POLQ: variants seen among roughly 807,000 people sequenced by gnomAD.
POLQ encodes the protein epididymis secretory sperm binding protein.
A neutral mutation model predicts 259.2 loss-of-function variants in POLQ; 233 were observed. That is an observed-to-expected ratio of 0.90 (90% CI 0.81 to 1.00). The LOEUF is 1.00. Ranked by LOEUF, POLQ falls within the 50% of genes least tolerant of loss-of-function variation. POLQ has a pLI of 0.00. For synonymous variants in POLQ, 1,025 were observed against 1,048.8 expected (o/e 0.98, Z 0.44); for missense variants, 2,871 against 3,051.6 (o/e 0.94, Z 1.39).
intron 7 of POLQ, among the ~76,000 whole-genome samples, chr3:121,526,547 C>A (rs1317830242): frequency 2.6e-5 from 4 of 152,060 alleles, no homozygotes; most frequent in Non-Finnish European, 5.9e-5. Flanking sequence ...CATTAAAAAT[C>A]TGTTCAGGCA....
intron 26 of POLQ, among the ~76,000 whole-genome samples, chr3:121,447,775 A>T (rs946890588): frequency 6.6e-6 from 1 of 152,160 alleles, no homozygotes; most frequent in Admixed American, 6.5e-5. Flanking sequence ...TGTCTGAGAA[A>T]GTCTTTATTT....
At chr3:121,501,402 G>C (rs944514562) in intron 12 of POLQ, among the ~76,000 whole-genome samples, 1 of 151,390 alleles carries the variant, frequency 6.6e-6, no homozygotes, top group Non-Finnish European at 1.5e-5. Flanking sequence ...GCTCACGCCT[G>C]TAATCCCAGC....
intron 7 of POLQ, 84 bp downstream of exon 7, chr3:121,529,561 C>G (rs1292370219): frequency 3.3e-5 from 43 of 1,290,850 alleles, no homozygotes; most frequent in Non-Finnish European, 4.5e-5. Flanking sequence ...GAACAAAAGC[C>G]ATGTTTTTGC....
chr3:121,540,862 ATTTTC>A (rs1406034926), intron 3 of POLQ, among the ~76,000 whole-genome samples: 1 of 150,876 alleles, frequency 6.6e-6, no homozygotes, highest in African/African-American at 2.4e-5. Context: ...TGCAATAATA[ATTTTC>A]TTTTAATTTC....
chr3:121,468,636 G>A (rs1396694406), intron 22 of POLQ, among the ~76,000 whole-genome samples: 1 of 152,160 alleles, frequency 6.6e-6, no homozygotes, highest in Non-Finnish European at 1.5e-5. Context: ...ATGAATGTAT[G>A]AATTGGCTAC....
chr3:121,448,878 A>T (rs769599735), intron 26 of POLQ, among the ~76,000 whole-genome samples: 40 of 152,212 alleles, frequency 2.6e-4, no homozygotes, highest in Non-Finnish European at 5.9e-5. Flanking sequence ...AAATTATACC[A>T]CAACAAACAG....
At chr3:121,537,315 A>G (rs2048458109) in intron 4 of POLQ, 107 bp from the exon 5 acceptor site, 2 of 673,312 alleles carry the variant, frequency 3.0e-6, no homozygotes, top group Non-Finnish European at 5.3e-6. Flanking sequence ...ATCAACTTTT[A>G]TTTTAGATTT....
At chr3:121,520,524 A>C (rs146439622) in intron 8 of POLQ, among the ~76,000 whole-genome samples, 1 of 152,308 alleles carries the variant, frequency 6.6e-6, no homozygotes, top group Non-Finnish European at 1.5e-5. Context: ...CAACAGAGCG[A>C]GAAAACAACA....
rs1041465506 is a variant in POLQ at position 121,456,598 on chromosome 3, C to A, written c.7152+3452G>T. ...TTCTTATACACCAATAACAGACAAA[C>A]AGAGAGCCAAATCATGAGTGAACTC... On this transcript the variant is annotated intron_variant, in intron 25 of 29. Transcript: ENST00000264233. Among the ~76,000 whole-genome samples, 17 of 151,816 alleles carry A rather than the reference C, an allele frequency of 1.1e-4. 1 individual carries two copies. Among genetic ancestry groups the A allele is most frequent in the Admixed American group, 1.1e-3 (17 of 15,224 alleles).
intron 12 of POLQ, among the ~76,000 whole-genome samples, chr3:121,501,408 C>T (rs2048166521): frequency 6.6e-6 from 1 of 151,568 alleles, no homozygotes; most frequent in South Asian, 2.1e-4. Flanking sequence ...GCCTGTAATC[C>T]CAGCACTTTG....
rs565640615 is a variant in POLQ, at chr3:121,440,615, T to C, written c.7265-499A>G. ...CCTCCCAAAGTGCTAGGATTACAGG[T>C]GTGAGCTACTACATGGCCTTTGTTT... On this transcript the variant is annotated intron_variant, in intron 26 of 29. Coordinates refer to ENST00000264233, the MANE Select transcript of POLQ (RefSeq NM_199420.4). Among the ~76,000 whole-genome samples, 39 of 152,294 alleles carry C rather than the reference T, an allele frequency of 2.6e-4. No homozygotes were observed. The South Asian group carries it at 4.2e-3, about 16-fold the overall frequency.
chr3:121,436,933 A>C (rs894248797), intron 27 of POLQ, among the ~76,000 whole-genome samples: 10 of 152,070 alleles, frequency 6.6e-5, no homozygotes, highest in African/African-American at 2.2e-4. Context: ...AGAGTAGAGA[A>C]GGGAGTCTGG....
chr3:121,472,020 A>G lies in POLQ; in HGVS notation c.6688T>C (p.Tyr2230His), dbSNP rs2108789971. 6.4e-7 allele frequency: 1 copy of G among 1,573,562 alleles called. No homozygotes were observed. The highest frequency in any genetic ancestry group is 2.3e-5 in the East Asian group (1 of 44,328). Residue 2230 changes from tyrosine (Y) to histidine (H), a missense_variant, in exon 22 of 30, where the codon TAT becomes CAT. Tyr to His is a moderately conservative substitution (Grantham distance 83). This residue lies in a region of POLQ where 2,080 missense variants were observed against 2,126.0 expected (regional missense o/e 0.98). Transcript: ENST00000264233. ...GCAGTGTGCGACTGTGATACAGGATAGATTCTTTCCATTCCAAGAAAAGGA... is the reference window on the plus strand; with the variant it reads ...GCAGTGTGCGACTGTGATACAGGATGGATTCTTTCCATTCCAAGAAAAGGA... ...LNPFLGMERI[Y>H]PVSQSHTATG...
chr3:121,475,355 G>C (rs944733463), intron 20 of POLQ, among the ~76,000 whole-genome samples: 2 of 152,044 alleles, frequency 1.3e-5, no homozygotes, highest in Non-Finnish European at 2.9e-5. Context: ...TTAGCATAAC[G>C]TCTTTCAGGT....
rs779318574 is a variant in POLQ at position 121,440,020 on chromosome 3, T to C, written c.7361A>G (p.Lys2454Arg). The C allele has an allele frequency of 1.2e-6, 2 of 1,613,826 alleles. No homozygotes were observed. Among genetic ancestry groups the C allele is most frequent in the Admixed American group, 3.3e-5 (2 of 60,016 alleles). ...LGRRRYLPGI[K>R]DNNPYRKAHA... ...AGCTTTACGATAAGGGTTGTTGTCTTTGATTCCTGGCAAATATCTACGCCT... is the reference window on the plus strand; with the variant it reads ...AGCTTTACGATAAGGGTTGTTGTCTCTGATTCCTGGCAAATATCTACGCCT... The change falls in exon 27 of 30, where the codon AAA becomes AGA. Residue 2454 changes from lysine (K) to arginine (R), a missense_variant. Physicochemically the swap from Lys to Arg is conservative, Grantham distance 26. This residue lies in a region of POLQ where 2,080 missense variants were observed against 2,126.0 expected (regional missense o/e 0.98). Coordinates refer to ENST00000264233, the MANE Select transcript of POLQ (RefSeq NM_199420.4).
chr3:121,507,851 T>C (rs575590013), intron 12 of POLQ, among the ~76,000 whole-genome samples: 86 of 152,254 alleles, frequency 5.6e-4, no homozygotes, highest in African/African-American at 2.0e-3. Context: ...ATCTCACTTA[T>C]ATTTTTTTGC....
chr3:121,455,101 T>C (rs1377420504), intron 25 of POLQ, among the ~76,000 whole-genome samples: 2 of 151,258 alleles, frequency 1.3e-5, no homozygotes, highest in African/African-American at 4.9e-5. Flanking sequence ...CTCAACTACA[T>C]GGAAACTGAA....
intron 19 of POLQ, among the ~76,000 whole-genome samples, chr3:121,478,734 A>G (rs1030091742): frequency 1.3e-5 from 2 of 152,184 alleles, no homozygotes; most frequent in Non-Finnish European, 2.9e-5. Flanking sequence ...TGCCATATTC[A>G]TATAAGAAAA....
At chr3:121,544,942 C>T in intron 1 of POLQ, 36 bp from the exon 2 acceptor site, 1 of 1,325,186 alleles carries the variant, frequency 7.5e-7, no homozygotes, top group Non-Finnish European at 1.1e-6. Context: ...ATTTAATTTA[C>T]TTCTAATATA....
Sources: allele counts gnomAD v4.1 joint callset (sites outside exome capture counted in the v4.1 genomes callset), GRCh38; gene constraint gnomAD v4.1.1; regional missense constraint gnomAD v4.1.1; transcripts MANE v1.5; gene names NCBI Gene and HGNC (gene_info 2026-07-23, HGNC 2026-07-21).